The following ZFC3H1 variants were observed in gnomAD, a reference collection of about 807,000 sequenced individuals.
ZFC3H1 encodes zinc finger C3H1-type containing.
Under a neutral mutation model 243.7 loss-of-function variants are expected in ZFC3H1, and 71 were observed. The ratio of observed to expected loss-of-function variants is 0.29; its 90% CI spans 0.24 to 0.36. The LOEUF is 0.36. Ranked by LOEUF, ZFC3H1 falls within the 10% of genes least tolerant of loss-of-function variation. The pLI is 1.00. For synonymous variants in ZFC3H1, 838 were observed against 813.0 expected, an observed-to-expected ratio of 1.03 and a Z score of -0.52; for missense variants, 1,966 against 2,317.1, an observed-to-expected ratio of 0.85 and a Z score of 3.11.
intron 20 of ZFC3H1, among the ~76,000 whole-genome samples, chr12:71,628,357 G>A (rs772111428): frequency 1.3e-5 from 2 of 152,174 alleles, no homozygotes; most frequent in African/African-American, 2.4e-5. Context: ...ACAGTGTTAC[G>A]TTAGTGTAAA....
intron 24 of ZFC3H1, among the ~76,000 whole-genome samples, chr12:71,621,545 C>T (rs916099235): frequency 1.3e-5 from 2 of 152,042 alleles, no homozygotes; most frequent in Non-Finnish European, 2.9e-5. Context: ...CTCAAGTGAT[C>T]CACATGCCTC....
chr12:71,625,188 A>T (rs1290873473), intron 22 of ZFC3H1, among the ~76,000 whole-genome samples: 1 of 152,204 alleles, frequency 6.6e-6, no homozygotes. Context: ...TAAGAAATAG[A>T]GTAGCAAGTT....
At chr12:71,633,958 G>A (rs1880392513) in intron 12 of ZFC3H1, among the ~76,000 whole-genome samples, 197 bp downstream of exon 12, 1 of 152,206 alleles carries the variant, frequency 6.6e-6, no homozygotes, top group South Asian at 2.1e-4. Context: ...GCGCCTGGCC[G>A]GTATTTTTAT....
chr12:71,639,412 G>C (rs1300534955), intron 6 of ZFC3H1: 1 of 246,138 alleles, frequency 4.1e-6, no homozygotes, highest in African/African-American at 2.3e-5. Flanking sequence ...TTAGGTGGCA[G>C]AGAGAAGAGA....
rs369147047 is a variant in ZFC3H1, at chr12:71,663,109, C to T, written c.502G>A (p.Gly168Ser). ...SRGRGVGERG[G>S]KPGCRPPLGG... Reference sequence around the variant, plus strand: ...AGAGGAGGTCTGCACCCCGGCTTGCCTCCTCGCTCACCCACTCCTCGCCCC... The same window carrying T: ...AGAGGAGGTCTGCACCCCGGCTTGCTTCCTCGCTCACCCACTCCTCGCCCC... Residue 168 changes from glycine to serine, a missense_variant, in exon 1 of 35, where the codon GGC becomes AGC. By Grantham distance (56) the Gly-to-Ser change is moderately conservative. This residue lies in a region of ZFC3H1 where 484 missense variants were observed against 449.7 expected (regional missense o/e 1.08). Transcript: ENST00000378743. 13 of 1,613,970 alleles carry T rather than the reference C, an allele frequency of 8.1e-6. No homozygotes were observed. Among genetic ancestry groups the T allele is most frequent in the African/African-American group, 4.0e-5 (3 of 74,936 alleles).
Position 71,633,390 on chromosome 12 carries a change from T to C in ZFC3H1, c.2559A>G (p.Gln853=). ...DESVLKNLVQ[Q]EAKKKESVRN... The stretch of plus-strand genomic sequence containing the variant: ...TAACAGATTCTTTCTTCTTAGCTTC[T>C]TGTTGCACTAAATTCTTTAAAACAG... Residue 853 remains glutamine (Q), a synonymous_variant, in exon 13 of 35, where the codon CAA becomes CAG. Transcript: ENST00000378743. 6.3e-7 allele frequency: 1 copy of C among 1,592,818 alleles called. No homozygotes were observed. The highest frequency in any genetic ancestry group is 8.5e-7 in the Non-Finnish European group (1 of 1,169,624).
chr12:71,649,033 G>C (rs1469395956), intron 2 of ZFC3H1, among the ~76,000 whole-genome samples: 1 of 148,084 alleles, frequency 6.8e-6, no homozygotes, highest in Admixed American at 6.8e-5. Context: ...GGAGGTTGCA[G>C]TGAGCTGAGA....
chr12:71,621,393 T>C (rs1477911733), intron 24 of ZFC3H1, among the ~76,000 whole-genome samples: 1 of 151,888 alleles, frequency 6.6e-6, no homozygotes, highest in Non-Finnish European at 1.5e-5. Context: ...AACCTCTGCC[T>C]CCTGGGTTCA....
At chr12:71,620,431 C>G (rs1246159485) in intron 24 of ZFC3H1, 116 bp from the exon 25 acceptor site, 1 of 984,598 alleles carries the variant, frequency 1.0e-6, no homozygotes, top group Admixed American at 2.1e-5. Flanking sequence ...CCTTTGATTA[C>G]CCATCCATCA....
intron 7 of ZFC3H1, among the ~76,000 whole-genome samples, chr12:71,637,935 T>A (rs1186345609): frequency 6.6e-6 from 1 of 152,098 alleles, no homozygotes; most frequent in Non-Finnish European, 1.5e-5. Flanking sequence ...TTATTTTTAG[T>A]GGGAGGACTG....
Position 71,649,930 on chromosome 12 carries a change from T to G in ZFC3H1, c.1016-2117A>C, listed in dbSNP as rs917864819. Among the ~76,000 whole-genome samples, 4 of 152,362 alleles carry G rather than the reference T, an allele frequency of 2.6e-5. No homozygotes were observed. In the East Asian group the frequency reaches 7.7e-4, roughly 29 times the overall value. ...TAGGCTGGGTGTGGTGGCTCATGCCTGTAATCCCAGCACTTTGGGAGGCCA... is the reference window on the plus strand; with the variant it reads ...TAGGCTGGGTGTGGTGGCTCATGCCGGTAATCCCAGCACTTTGGGAGGCCA... On this transcript the variant is annotated intron_variant, in intron 2 of 34. Coordinates refer to ENST00000378743, the MANE Select transcript of ZFC3H1 (RefSeq NM_144982.5).
chr12:71,638,468 A>G lies in ZFC3H1; in HGVS notation c.1675T>C (p.Tyr559His). 1 of 1,613,004 alleles carries G rather than the reference A, an allele frequency of 6.2e-7. No individual in the cohort carries two copies. The highest frequency in any genetic ancestry group is 8.5e-7 in the Non-Finnish European group (1 of 1,179,678). The change falls in exon 7 of 35, where the codon TAT (tyrosine) becomes CAT (histidine). Residue 559 changes from tyrosine to histidine, a missense_variant. By Grantham distance (83) the Tyr-to-His change is moderately conservative. Around this residue, in one of 4 missense-constraint regions of ZFC3H1, gnomAD observed 1,383 missense variants for 1,723.7 expected, o/e 0.80. Coordinates refer to ENST00000378743, the MANE Select transcript of ZFC3H1 (RefSeq NM_144982.5). ...PPFFSECSLGYFSPAPSLSLP... is the reference protein window; with the variant it reads ...PPFFSECSLGHFSPAPSLSLP... ...GAAAGAGATGGTGCTGGAGAAAAAT[A>G]CCCCAATGAACATTCAGAGAAAAAT...
At chr12:71,649,064 C>G (rs1215726456) in intron 2 of ZFC3H1, among the ~76,000 whole-genome samples, 1 of 145,600 alleles carries the variant, frequency 6.9e-6, no homozygotes, top group Non-Finnish European at 1.5e-5. Flanking sequence ...GTACTCCATC[C>G]TGGGTAACAG....
chr12:71,629,931 A>C (rs1208100020), intron 18 of ZFC3H1, among the ~76,000 whole-genome samples: 1 of 152,000 alleles, frequency 6.6e-6, no homozygotes, highest in African/African-American at 2.4e-5. Context: ...AAAAAAAAGT[A>C]GTTCCTAAAA....
chr12:71,628,033 C>A (rs772413638), intron 20 of ZFC3H1, 99 bp from the exon 21 acceptor site: 1 of 1,187,110 alleles, frequency 8.4e-7, no homozygotes, highest in Non-Finnish European at 1.2e-6. Context: ...AACTTAAAAA[C>A]CTAAAGATTC....
intron 5 of ZFC3H1, 39 bp from the exon 6 acceptor site, chr12:71,642,598 T>G: frequency 6.4e-7 from 1 of 1,573,260 alleles, no homozygotes; most frequent in Non-Finnish European, 8.6e-7. Context: ...AAGCATTTTC[T>G]GTCTTGGGTT....
At position 71,631,868 on chromosome 12, in the gene ZFC3H1, T is replaced by C. The variant is rs1296569186; in HGVS notation, c.3380A>G (p.Asp1127Gly). The C allele has an allele frequency of 6.2e-7, 1 of 1,613,584 alleles. No individual in the cohort carries two copies. Among genetic ancestry groups the C allele is most frequent in the South Asian group, 1.1e-5 (1 of 91,016 alleles). ...TGTTTTACTTTGTGCTGTGACAAAA[T>C]CCACATCTACAGAAATCTCCTGCAA... ...LHGQEISVDVDFVTAQSKTME... is the reference protein window; with the variant it reads ...LHGQEISVDVGFVTAQSKTME... The change falls in exon 16 of 35, where the codon GAT becomes GGT. Residue 1127 changes from aspartate (D) to glycine (G), a missense_variant. Asp to Gly is a moderately conservative substitution (Grantham distance 94). Coordinates refer to ENST00000378743, the MANE Select transcript of ZFC3H1 (RefSeq NM_144982.5).
chr12:71,662,411 G>A (rs959510743), intron 1 of ZFC3H1, among the ~76,000 whole-genome samples: 5 of 151,836 alleles, frequency 3.3e-5, no homozygotes, highest in African/African-American at 1.2e-4. Context: ...ACGTAAAGGA[G>A]GTAAAGTGTT....
chr12:71,652,950 T>G (rs1282230232), intron 2 of ZFC3H1, among the ~76,000 whole-genome samples: 1 of 139,004 alleles, frequency 7.2e-6, no homozygotes, highest in Admixed American at 7.2e-5. Flanking sequence ...CCACTAAAAT[T>G]CAAAAAAAAA....
Sources: allele counts gnomAD v4.1 joint callset (sites outside exome capture counted in the v4.1 genomes callset), GRCh38; gene constraint gnomAD v4.1.1; regional missense constraint gnomAD v4.1.1; transcripts MANE v1.5; gene names NCBI Gene and HGNC (gene_info 2026-07-23, HGNC 2026-07-21).